AIG1: variants seen among roughly 807,000 people sequenced by gnomAD.
AIG1 encodes androgen induced 1.
In AIG1, 23 loss-of-function variants were observed where a neutral mutation model predicts 31.4. The observed-to-expected ratio is 0.73, with a 90% CI of 0.53 to 1.04. The LOEUF (loss-of-function observed/expected upper bound fraction) is 1.04. Ranked by LOEUF, AIG1 falls within the 50% of genes least tolerant of loss-of-function variation. The pLI, the probability that AIG1 is intolerant of heterozygous loss-of-function variation, is 0.00. For missense variants in AIG1, 274 were observed against 295.0 expected (o/e 0.93, Z 0.52); for synonymous variants, 100 against 110.5 (o/e 0.90, Z 0.60).
chr6:143,278,998 T>TA lies in AIG1; in HGVS notation c.400-5102dup, dbSNP rs910456306. 3.1e-4 allele frequency among the ~76,000 whole-genome samples: 46 copies of TA among 150,480 alleles called. 1 individual carries two copies. The highest frequency in any genetic ancestry group is 7.3e-4 in the Admixed American group (11 of 15,106). ...ATGTGAGTGAATTGGGTGAGAACTT[T>TA]AAAAAAAAAATCAAGTAGCATGAAC... On this transcript the variant is annotated intron_variant, in intron 3 of 5. Transcript: ENST00000357847.
At chr6:143,283,540 G>A (rs1396246629) in intron 3 of AIG1, among the ~76,000 whole-genome samples, 2 of 152,180 alleles carry the variant, frequency 1.3e-5, no homozygotes, top group Non-Finnish European at 2.9e-5. Flanking sequence ...TAAATGAAAG[G>A]TTGAAAATCT....
chr6:143,204,698 A>G (rs1790971397), intron 3 of AIG1, among the ~76,000 whole-genome samples: 1 of 152,190 alleles, frequency 6.6e-6, no homozygotes, highest in African/African-American at 2.4e-5. Context: ...GACAATTGAT[A>G]GAACGAGGTC....
chr6:143,307,202 G>A lies in AIG1; in HGVS notation c.515+22977G>A, dbSNP rs987148839. Among the ~76,000 whole-genome samples, 13 of 152,312 alleles carry A rather than the reference G, an allele frequency of 8.5e-5. No homozygotes were observed. In the East Asian group the frequency reaches 1.5e-3, roughly 18 times the overall value. On this transcript the variant is annotated intron_variant, in intron 4 of 5. Coordinates refer to ENST00000357847, the MANE Select transcript of AIG1 (RefSeq NM_016108.4). ...GTCTGAAGCCTTCTTCTCTCAGCTC[G>A]TCAAAGTCATTCTCCATCCAGCTTT... is the stretch of plus-strand genomic sequence containing the variant.
chr6:143,165,852 A>G (rs946390204), intron 3 of AIG1, among the ~76,000 whole-genome samples: 3 of 152,198 alleles, frequency 2.0e-5, no homozygotes, highest in African/African-American at 7.2e-5. Context: ...ATCATTTTAC[A>G]ACATTTGAGG....
chr6:143,265,030 G>GA (rs749643361), intron 3 of AIG1, among the ~76,000 whole-genome samples: 6 of 152,176 alleles, frequency 3.9e-5, no homozygotes, highest in Non-Finnish European at 7.3e-5. Context: ...CAGCAGATGA[G>GA]AAATCATGCT....
intron 4 of AIG1, among the ~76,000 whole-genome samples, chr6:143,321,020 A>G (rs1776166251): frequency 1.3e-5 from 2 of 151,776 alleles, no homozygotes; most frequent in African/African-American, 4.8e-5. Context: ...GGGTTTCCCC[A>G]TGTTGGCCAG....
At position 143,329,285 on chromosome 6, in the gene AIG1, T is replaced by C. The variant is rs1260783713; in HGVS notation, c.516-3997T>C. Among the ~76,000 whole-genome samples the C allele has an allele frequency of 6.6e-6, 1 of 152,202 alleles. No individual in the cohort carries two copies. The highest frequency in any genetic ancestry group is 2.4e-5 in the African/African-American group (1 of 41,456). ...ATCAGATGTGCACTTCTTTCCCAGC[T>C]TTGCCAGTTTTATGATAAGTTCTTT... is the stretch of plus-strand genomic sequence containing the variant. On this transcript the variant is annotated intron_variant, in intron 4 of 5. Transcript: ENST00000357847. This position sits in a 1 kb window ranked among gnomAD's most constrained non-coding sequence, Gnocchi z 4.9.
intron 1 of AIG1, among the ~76,000 whole-genome samples, chr6:143,125,190 T>A (rs1782591708): frequency 6.6e-6 from 1 of 152,236 alleles, no homozygotes; most frequent in East Asian, 1.9e-4. Context: ...TTAGAAAATT[T>A]ACTGCACTTC....
At chr6:143,150,008 T>C (rs996344986) in intron 2 of AIG1, among the ~76,000 whole-genome samples, 4 of 152,226 alleles carry the variant, frequency 2.6e-5, no homozygotes, top group African/African-American at 9.7e-5. Flanking sequence ...ATGCATTCCA[T>C]AGAAGTAGCA....
At chr6:143,300,433 G>A (rs193234123) in intron 4 of AIG1, among the ~76,000 whole-genome samples, 1 of 152,262 alleles carries the variant, frequency 6.6e-6, no homozygotes, top group East Asian at 1.9e-4. Flanking sequence ...CTGGAAAGAG[G>A]CAAGAGTCTA....
chr6:143,129,201 G>A (rs1305588650), intron 1 of AIG1, among the ~76,000 whole-genome samples: 1 of 152,100 alleles, frequency 6.6e-6, no homozygotes, highest in East Asian at 1.9e-4. Flanking sequence ...CGAGGCAGGC[G>A]AATGGCATGA....
chr6:143,261,319 A>G (rs1482734809), intron 3 of AIG1, among the ~76,000 whole-genome samples: 1 of 152,162 alleles, frequency 6.6e-6, no homozygotes, highest in Non-Finnish European at 1.5e-5. Context: ...TTTAATAGAG[A>G]CGAGGTTTCT....
At chr6:143,112,656 G>T (rs1437350215) in intron 1 of AIG1, among the ~76,000 whole-genome samples, 1 of 152,150 alleles carries the variant, frequency 6.6e-6, no homozygotes, top group South Asian at 2.1e-4. Flanking sequence ...CTGATTCTGG[G>T]TCTGAGTGAG....
intron 1 of AIG1, among the ~76,000 whole-genome samples, chr6:143,085,947 A>T (rs190425824): frequency 6.6e-6 from 1 of 152,226 alleles, no homozygotes; most frequent in Non-Finnish European, 1.5e-5. Context: ...TTAATGTTAA[A>T]TCAACTTTTT....
chr6:143,086,383 C>G (rs763033281), intron 1 of AIG1, among the ~76,000 whole-genome samples: 1 of 144,410 alleles, frequency 6.9e-6, no homozygotes, highest in Non-Finnish European at 1.5e-5. Context: ...CTCTCTTTCC[C>G]CACCCCCTGC....
At chr6:143,085,496 C>T (rs2071482912) in intron 1 of AIG1, among the ~76,000 whole-genome samples, 3 of 152,168 alleles carry the variant, frequency 2.0e-5, no homozygotes, top group African/African-American at 7.2e-5. Context: ...CCAACATTGC[C>T]TTTGTGCTCA....
intron 1 of AIG1, among the ~76,000 whole-genome samples, chr6:143,074,227 G>T (rs986142762): frequency 6.6e-6 from 1 of 152,158 alleles, no homozygotes; most frequent in Non-Finnish European, 1.5e-5. Context: ...CTGTGCAAAA[G>T]ACTTTTAGTT....
At chr6:143,233,686 T>C (rs1311226329) in intron 3 of AIG1, among the ~76,000 whole-genome samples, 4 of 152,238 alleles carry the variant, frequency 2.6e-5, no homozygotes, top group East Asian at 1.9e-4. Context: ...ATTCATCTTA[T>C]TTGAATGTGG....
At chr6:143,078,018 C>T (rs547443331) in intron 1 of AIG1, among the ~76,000 whole-genome samples, 1 of 152,270 alleles carries the variant, frequency 6.6e-6, no homozygotes, top group Admixed American at 6.5e-5. Context: ...TTTTTATTAT[C>T]ATTCCATAGG....
Sources: allele counts gnomAD v4.1 joint callset (sites outside exome capture counted in the v4.1 genomes callset), GRCh38; gene constraint gnomAD v4.1.1; non-coding constraint Gnocchi (gnomAD v3.1); transcripts MANE v1.5; gene names NCBI Gene and HGNC (gene_info 2026-07-23, HGNC 2026-07-21).